ABLIM1: variants seen among roughly 807,000 people sequenced by gnomAD.
ABLIM1 encodes the protein actin binding LIM protein 1, also known as actin-binding LIM protein 1.
A neutral mutation model predicts 107.0 loss-of-function variants in ABLIM1; 40 were observed. The observed-to-expected ratio is 0.37, with a 90% CI of 0.29 to 0.49. The LOEUF is 0.49. ABLIM1 is among the 20% of genes least tolerant of loss of function. ABLIM1 has a pLI of 0.97. For missense variants in ABLIM1, 857 were observed against 1,008.5 expected, an observed-to-expected ratio of 0.85 and a Z score of 2.04; for synonymous variants, 357 against 357.3, an observed-to-expected ratio of 1.00 and a Z score of 0.01.
the ABLIM1 span, among the ~76,000 whole-genome samples, chr10:114,780,138 G>C: frequency 1.9e-3 from 287 of 152,252 alleles, 1 homozygote; most frequent in Non-Finnish European, 2.3e-3. Flanking sequence ...GAAAGCAAAG[G>C]CCTTCTCTCT....
rs759483976 is a variant in ABLIM1, at chr10:114,579,122, C to T, written c.380-3523G>A. Among the ~76,000 whole-genome samples, 7 of 152,134 alleles carry T rather than the reference C, an allele frequency of 4.6e-5. No individual in the cohort carries two copies. The South Asian group carries it at 6.2e-4, about 14-fold the overall frequency. On this transcript the variant is annotated intron_variant, in intron 2 of 22. Transcript: ENST00000533213. ...TTTCTTTGATCCATTCCCTCCTCTG[C>T]CTTCTTGCTATCACTACTCAAAACC...
chr10:114,789,716 A>G, the ABLIM1 span, among the ~76,000 whole-genome samples: 16 of 150,544 alleles, frequency 1.1e-4, no homozygotes, highest in East Asian at 2.9e-3. Context: ...GGCCACATGT[A>G]TATCTTCTTT....
chr10:114,455,971 C>G (rs2062740951), intron 12 of ABLIM1, among the ~76,000 whole-genome samples: 2 of 152,166 alleles, frequency 1.3e-5, no homozygotes, highest in Non-Finnish European at 2.9e-5. Context: ...CGCCACCGCG[C>G]CCGGCTAATT....
At chr10:114,527,758 G>A (rs1211228659) in intron 6 of ABLIM1, among the ~76,000 whole-genome samples, 1 of 148,182 alleles carries the variant, frequency 6.7e-6, no homozygotes, top group Non-Finnish European at 1.5e-5. Flanking sequence ...TCCAACTCCT[G>A]GGTCCAAGCG....
intron 1 of ABLIM1, among the ~76,000 whole-genome samples, chr10:114,730,885 G>T (rs2082058714): frequency 6.6e-6 from 1 of 152,006 alleles, no homozygotes; most frequent in South Asian, 2.1e-4. Context: ...ACCTATTCTG[G>T]ATATTTCATG....
At chr10:114,553,539 T>G (rs1478597784) in intron 4 of ABLIM1, among the ~76,000 whole-genome samples, 2 of 152,200 alleles carry the variant, frequency 1.3e-5, no homozygotes, top group Admixed American at 1.3e-4. Context: ...AACAGAGAGC[T>G]GAGAGTCAGC....
chr10:114,464,024 T>C (rs938449462), intron 12 of ABLIM1, among the ~76,000 whole-genome samples: 1 of 152,106 alleles, frequency 6.6e-6, no homozygotes, highest in Non-Finnish European at 1.5e-5. Context: ...AGTAAGGACA[T>C]GAGCTTTTGG....
chr10:114,519,943 G>A (rs1590838261), intron 6 of ABLIM1, among the ~76,000 whole-genome samples: 3 of 152,222 alleles, frequency 2.0e-5, no homozygotes, highest in Admixed American at 1.3e-4. Context: ...AAGCTTTGAC[G>A]GACCAGTCTG....
chr10:114,445,525 A>C, intron 15 of ABLIM1, 122 bp from the exon 16 acceptor site: 1 of 807,282 alleles, frequency 1.2e-6, no homozygotes, highest in South Asian at 1.5e-5. Flanking sequence ...TAACACTTTT[A>C]AGTAAACAAT....
At chr10:114,465,434 T>A (rs1054169381) in intron 12 of ABLIM1, 10 of 280,180 alleles carry the variant, frequency 3.6e-5, no homozygotes, top group Non-Finnish European at 5.7e-5. Context: ...CGTAAAAAAA[T>A]TTTTAAAAAA....
intron 1 of ABLIM1, among the ~76,000 whole-genome samples, chr10:114,625,876 T>C (rs545014369): frequency 7.2e-5 from 11 of 152,338 alleles, no homozygotes; most frequent in Non-Finnish European, 1.3e-4. Flanking sequence ...AGGGGGAAGA[T>C]ACTACTTACC....
chr10:114,748,647 G>GC (rs1365363948), intron 1 of ABLIM1, among the ~76,000 whole-genome samples: 1 of 139,504 alleles, frequency 7.2e-6, no homozygotes, highest in African/African-American at 2.6e-5. Context: ...AGCAACAGAA[G>GC]TTTTTTTTTT....
At position 114,629,605 on chromosome 10, in the gene ABLIM1, C is replaced by T. The variant is rs559301803; in HGVS notation, c.245-27644G>A. Among the ~76,000 whole-genome samples the T allele has an allele frequency of 6.6e-6, 1 of 152,296 alleles. No homozygotes were observed. Among genetic ancestry groups the T allele is most frequent in the East Asian group, 1.9e-4 (1 of 5,180 alleles). ...GTGACAGAGATAGCAGCTGTCAACA[C>T]ACTGGCAATTGTGGTCTCTCATCCA... On this transcript the variant is annotated intron_variant, in intron 1 of 22. Transcript: ENST00000533213. The surrounding 1 kb of genome is among the most constrained non-coding windows in gnomAD (Gnocchi z 4.0).
chr10:114,620,383 C>A (rs1018889271), intron 1 of ABLIM1, among the ~76,000 whole-genome samples: 1 of 152,116 alleles, frequency 6.6e-6, no homozygotes, highest in Non-Finnish European at 1.5e-5. Flanking sequence ...CTGAGTCCTA[C>A]CCACAGACAT....
intron 1 of ABLIM1, among the ~76,000 whole-genome samples, chr10:114,655,221 T>G (rs1350660827): frequency 6.6e-6 from 1 of 152,206 alleles, no homozygotes; most frequent in East Asian, 1.9e-4. Context: ...AAAGCCACAC[T>G]TAACTAATCT....
At chr10:114,530,742 C>T (rs1457190259) in intron 6 of ABLIM1, among the ~76,000 whole-genome samples, 1 of 152,154 alleles carries the variant, frequency 6.6e-6, no homozygotes, top group East Asian at 1.9e-4. Flanking sequence ...CCTTATTGGC[C>T]AGGCTGCTCT....
At chr10:114,655,520 C>T (rs915866287) in intron 1 of ABLIM1, among the ~76,000 whole-genome samples, 11 of 152,202 alleles carry the variant, frequency 7.2e-5, no homozygotes, top group African/African-American at 2.7e-4. Flanking sequence ...ATAGAAGCAT[C>T]GAAGTCATTC....
chr10:114,680,858 G>C (rs1444086663), intron 1 of ABLIM1, among the ~76,000 whole-genome samples: 1 of 152,230 alleles, frequency 6.6e-6, no homozygotes, highest in Non-Finnish European at 1.5e-5. Context: ...ATTCTGAACA[G>C]TCCCTAGCAT....
intron 10 of ABLIM1, among the ~76,000 whole-genome samples, chr10:114,471,662 A>AAT (rs1340095829): frequency 1.3e-5 from 2 of 152,104 alleles, no homozygotes; most frequent in African/African-American, 4.8e-5. Context: ...TAAAAGGAAC[A>AAT]ATATATATAA....
Sources: allele counts gnomAD v4.1 joint callset (sites outside exome capture counted in the v4.1 genomes callset), GRCh38; gene constraint gnomAD v4.1.1; non-coding constraint Gnocchi (gnomAD v3.1); transcripts MANE v1.5; gene names NCBI Gene and HGNC (gene_info 2026-07-23, HGNC 2026-07-21).